Variants in TMOD3 observed in about 807,000 individuals in gnomAD.
The protein encoded by TMOD3 is tropomodulin 3.
Under a neutral mutation model 39.2 loss-of-function variants are expected in TMOD3, and 20 were observed. That is an observed-to-expected ratio of 0.51 (90% CI 0.36 to 0.74). The LOEUF is 0.74. Ranked by LOEUF, TMOD3 falls within the 30% of genes least tolerant of loss-of-function variation. TMOD3 has a pLI of 0.00. For missense variants in TMOD3, 381 were observed against 412.8 expected (o/e 0.92, Z 0.67); for synonymous variants, 143 against 145.8 (o/e 0.98, Z 0.14).
At chr15:51,866,457 C>T (rs1008365461) in intron 2 of TMOD3, among the ~76,000 whole-genome samples, 1 of 151,768 alleles carries the variant, frequency 6.6e-6, no homozygotes, top group Non-Finnish European at 1.5e-5. Flanking sequence ...GACCCTGTCT[C>T]CCCCCTACCC....
chr15:51,835,324 A>G (rs778791893), intron 1 of TMOD3, among the ~76,000 whole-genome samples: 25 of 151,884 alleles, frequency 1.6e-4, no homozygotes, highest in Non-Finnish European at 2.6e-4. Context: ...TTGTTTTGAG[A>G]CAAGGTCTCA....
intron 3 of TMOD3, among the ~76,000 whole-genome samples, chr15:51,885,554 C>A (rs1026063223): frequency 2.6e-5 from 4 of 152,178 alleles, no homozygotes; most frequent in African/African-American, 9.7e-5. Flanking sequence ...CGCCCTTAAT[C>A]CATTTAACCC....
intron 1 of TMOD3, among the ~76,000 whole-genome samples, chr15:51,832,926 G>A (rs368228319): frequency 1.3e-5 from 2 of 152,314 alleles, no homozygotes; most frequent in East Asian, 1.9e-4. Flanking sequence ...GAGCTCTCTC[G>A]ATTAGAGTAG....
At chr15:51,897,634 G>A (rs533451640) in intron 7 of TMOD3, among the ~76,000 whole-genome samples, 6 of 150,596 alleles carry the variant, frequency 4.0e-5, no homozygotes, top group Non-Finnish European at 7.4e-5. Context: ...ACAGGCATGC[G>A]CCACCACGCC....
intron 3 of TMOD3, 60 bp downstream of exon 3, chr15:51,869,433 G>T (rs1854598964): frequency 6.6e-7 from 1 of 1,523,394 alleles, no homozygotes; most frequent in Non-Finnish European, 8.9e-7. Flanking sequence ...TTTTATAGGT[G>T]GGTGTGGAGA....
chr15:51,862,857 A>C lies in TMOD3; in HGVS notation c.-28A>C, dbSNP rs770970266. ...ACTTCTGACTGTACTGAACAGCAAA[A>C]ATTAAGTGACTTGCTGCCCTGCACA... On this transcript the variant is annotated 5_prime_UTR_variant, in exon 2 of 10. Coordinates refer to ENST00000308580, the MANE Select transcript of TMOD3 (RefSeq NM_014547.5). 1.1e-5 allele frequency: 18 copies of C among 1,602,890 alleles called. No individual in the cohort carries two copies. Among genetic ancestry groups the C allele is most frequent in the Middle Eastern group, 1.7e-4 (1 of 6,004 alleles).
Position 51,909,044 on chromosome 15 carries a change from T to G in TMOD3, c.*234T>G, listed in dbSNP as rs2056697216. 1 of 360,546 alleles carries G rather than the reference T, an allele frequency of 2.8e-6. No individual in the cohort carries two copies. The highest frequency in any genetic ancestry group is 4.9e-6 in the Non-Finnish European group (1 of 202,502). The allele number at this position is 360,546 out of a possible 1,614,324, so 22.3% of individuals were successfully genotyped here. A position where few individuals can be genotyped will look rare whatever the true frequency, so the allele number is the denominator to read the frequency against. ...TTTTAATTTAGTTTAATTGAATGATTTATGATGAATCTTGGGCAAAAAAAT... is the reference window on the plus strand; with the variant it reads ...TTTTAATTTAGTTTAATTGAATGATGTATGATGAATCTTGGGCAAAAAAAT... On this transcript the variant is annotated 3_prime_UTR_variant, in exon 10 of 10. Coordinates refer to ENST00000308580, the MANE Select transcript of TMOD3 (RefSeq NM_014547.5).
intron 6 of TMOD3, 149 bp from the exon 7 acceptor site, chr15:51,896,270 T>G: frequency 1.7e-6 from 1 of 584,708 alleles, no homozygotes; most frequent in Non-Finnish European, 3.0e-6. Context: ...GGAAGCTGCA[T>G]TATTTGTATT....
chr15:51,889,237 G>A, intron 5 of TMOD3, 92 bp downstream of exon 5: 2 of 773,232 alleles, frequency 2.6e-6, no homozygotes, highest in South Asian at 1.6e-5. Flanking sequence ...CATACTAGAT[G>A]TTATATATAT....
rs1198745460 is a variant in TMOD3 at position 51,869,207 on chromosome 15, T to G, written c.127-10T>G. On this transcript the variant is annotated splice_polypyrimidine_tract_variant and intron_variant, in intron 2 of 9. Coordinates refer to ENST00000308580, the MANE Select transcript of TMOD3 (RefSeq NM_014547.5). ...ATTGGTCATATTGGCTGATTCATTC[T>G]CTCTGGCAGAATGCCCTTCTGCCTG... is the stretch of plus-strand genomic sequence containing the variant. 2 of 1,611,268 alleles carry G rather than the reference T, an allele frequency of 1.2e-6. No individual in the cohort carries two copies. The highest frequency in any genetic ancestry group is 2.2e-5 in the East Asian group (1 of 44,870).
At chr15:51,853,598 G>A (rs1364952171) in intron 1 of TMOD3, among the ~76,000 whole-genome samples, 18 of 151,980 alleles carry the variant, frequency 1.2e-4, no homozygotes, top group Admixed American at 1.2e-3. Context: ...CTTAAGTTTT[G>A]AAGTTACCGA....
chr15:51,862,847 G>A lies in TMOD3; in HGVS notation c.-38G>A. ...AGTAGAGATCACTTCTGACTGTACT[G>A]AACAGCAAAAATTAAGTGACTTGCT... On this transcript the variant is annotated 5_prime_UTR_variant, in exon 2 of 10. Coordinates refer to ENST00000308580, the MANE Select transcript of TMOD3 (RefSeq NM_014547.5). 1 of 1,599,334 alleles carries A rather than the reference G, an allele frequency of 6.3e-7. No homozygotes were observed. Among genetic ancestry groups the A allele is most frequent in the Non-Finnish European group, 8.5e-7 (1 of 1,174,492 alleles).
intron 9 of TMOD3, among the ~76,000 whole-genome samples, chr15:51,904,857 T>TG (rs2056670256): frequency 6.6e-6 from 1 of 152,104 alleles, no homozygotes; most frequent in Admixed American, 6.6e-5. Flanking sequence ...CACAGTGGTG[T>TG]GTGATAGAGG....
intron 3 of TMOD3, among the ~76,000 whole-genome samples, chr15:51,874,723 G>C (rs1449424886): frequency 6.6e-6 from 1 of 152,044 alleles, no homozygotes; most frequent in Non-Finnish European, 1.5e-5. Flanking sequence ...CCTCTCTATT[G>C]CTGGTATCAT....
chr15:51,854,536 T>C (rs2056378634), intron 1 of TMOD3, among the ~76,000 whole-genome samples: 1 of 152,226 alleles, frequency 6.6e-6, no homozygotes, highest in African/African-American at 2.4e-5. Context: ...CATATGATTC[T>C]ACATTTTAAC....
intron 9 of TMOD3, among the ~76,000 whole-genome samples, chr15:51,902,890 A>G (rs563540513): frequency 4.5e-4 from 69 of 151,760 alleles, no homozygotes; most frequent in Admixed American, 9.2e-4. Flanking sequence ...TGACCTGATG[A>G]TCCACCCGCC....
At position 51,834,705 on chromosome 15, in the gene TMOD3, C is replaced by G. The variant is rs185736588; in HGVS notation, c.-75+4869C>G. ...AATTAGCCGGAAGTACTGGCATGCA[C>G]CTATAATCCCAGCTACTTGGGGGGC... On this transcript the variant is annotated intron_variant, in intron 1 of 9. Transcript: ENST00000308580. Among the ~76,000 whole-genome samples, 102 of 152,234 alleles carry G rather than the reference C, an allele frequency of 6.7e-4. No homozygotes were observed. The East Asian group carries it at 0.015, about 23-fold the overall frequency.
At chr15:51,896,566 C>A in intron 7 of TMOD3, 40 bp downstream of exon 7, 2 of 1,473,300 alleles carry the variant, frequency 1.4e-6, no homozygotes, top group Non-Finnish European at 1.9e-6. Context: ...TATGACATGC[C>A]CAGGGTGTGT....
In TMOD3 at chr15:51,913,388, T is replaced by A. The variant is rs2056720524; in HGVS notation, c.*4578T>A. On this transcript the variant is annotated 3_prime_UTR_variant, in exon 10 of 10. Transcript: ENST00000308580. ...GAAATGCTTATTGGAGCATTTAGAA[T>A]TTCAGATTTTCAGATTAGGGATGCT... The A allele has an allele frequency of 6.6e-6, 1 of 152,208 alleles. No homozygotes were observed. Among genetic ancestry groups the A allele is most frequent in the African/African-American group, 2.4e-5 (1 of 41,448 alleles). 9.4% of individuals were successfully genotyped at this position (152,208 alleles called of 1,614,324 possible).
Sources: gnomAD v4.1 joint callset for allele counts (sites outside exome capture counted in the v4.1 genomes callset) on GRCh38, gnomAD v4.1.1 for gene constraint, MANE v1.5 for transcripts, NCBI Gene and HGNC (gene_info 2026-07-23, HGNC 2026-07-21) for gene names.